The following PCDHAC1 variants were observed in gnomAD, a reference collection of about 807,000 sequenced individuals.
The protein encoded by PCDHAC1 is protocadherin alpha subfamily C, 1, also known as protocadherin alpha-C1.
PCDHAC1 carries 42 observed loss-of-function variants against 60.0 expected under a neutral mutation model. The observed-to-expected ratio is 0.70, with a 90% CI of 0.55 to 0.90. The LOEUF is 0.90. Ranked by LOEUF, PCDHAC1 falls within the 40% of genes least tolerant of loss-of-function variation. The pLI is 0.00. For missense variants in PCDHAC1, 1,160 were observed against 1,222.3 expected, an observed-to-expected ratio of 0.95 and a Z score of 0.76; for synonymous variants, 468 against 499.3, an observed-to-expected ratio of 0.94 and a Z score of 0.84.
intron 3 of PCDHAC1, among the ~76,000 whole-genome samples, chr5:141,006,560 C>G (rs1179730864): frequency 2.0e-5 from 3 of 152,084 alleles, no homozygotes; most frequent in Non-Finnish European, 4.4e-5. Flanking sequence ...AAAGATGACT[C>G]TGGCTACTGT....
At chr5:140,954,623 G>C (rs1277762311) in intron 1 of PCDHAC1, among the ~76,000 whole-genome samples, 2 of 151,776 alleles carry the variant, frequency 1.3e-5, no homozygotes, top group African/African-American at 4.8e-5. Flanking sequence ...GGCTTGTTTG[G>C]GTTTTTCTTG....
rs155362 is a variant in PCDHAC1, at chr5:140,926,538, G to A, written c.-355G>A. On this transcript the variant is annotated 5_prime_UTR_variant, in exon 1 of 4. Transcript: ENST00000253807. ...TCCGCCCTGCGCCCGCAGCCAGCGTGGTGGTCGAGACCCCAGCCCGCTGCT... is the reference window on the plus strand; with the variant it reads ...TCCGCCCTGCGCCCGCAGCCAGCGTAGTGGTCGAGACCCCAGCCCGCTGCT... 1 of 210,368 alleles carries A rather than the reference G, an allele frequency of 4.8e-6. No homozygotes were observed. Among genetic ancestry groups the A allele is most frequent in the Admixed American group, 5.9e-5 (1 of 16,946 alleles). 13.0% of individuals were successfully genotyped at this position (210,368 alleles called of 1,614,324 possible).
chr5:140,985,494 C>G (rs1217361161), intron 3 of PCDHAC1, among the ~76,000 whole-genome samples: 2 of 152,136 alleles, frequency 1.3e-5, no homozygotes, highest in Non-Finnish European at 2.9e-5. Flanking sequence ...TCAAATAGAG[C>G]CTGCCTTTCA....
intron 1 of PCDHAC1, chr5:140,968,899 A>G (rs782594245): frequency 6.2e-7 from 1 of 1,614,130 alleles, no homozygotes; most frequent in Non-Finnish European, 8.5e-7. Context: ...TAATAATAGC[A>G]TTAAGCACAG....
chr5:141,001,764 G>A (rs1186356180), intron 3 of PCDHAC1, among the ~76,000 whole-genome samples: 1 of 152,160 alleles, frequency 6.6e-6, no homozygotes, highest in East Asian at 1.9e-4. Context: ...GATGGCGGAT[G>A]GTTTTTGCCT....
chr5:140,972,754 C>T (rs782389999), intron 1 of PCDHAC1, among the ~76,000 whole-genome samples: 1 of 151,316 alleles, frequency 6.6e-6, no homozygotes, highest in African/African-American at 2.4e-5. Flanking sequence ...ACCTCCGCCT[C>T]CCAAGTTAAA....
At chr5:140,969,131 A>C in intron 1 of PCDHAC1, 1 of 1,614,138 alleles carries the variant, frequency 6.2e-7, no homozygotes, top group African/African-American at 1.3e-5. Flanking sequence ...CTCCCTCACC[A>C]AGACCTACTG....
At chr5:140,956,554 G>C (rs546505112) in intron 1 of PCDHAC1, among the ~76,000 whole-genome samples, 1 of 152,318 alleles carries the variant, frequency 6.6e-6, no homozygotes, top group East Asian at 1.9e-4. Flanking sequence ...TGGTTTGCCA[G>C]TATCTTATTG....
intron 1 of PCDHAC1, among the ~76,000 whole-genome samples, chr5:140,938,996 A>C (rs1212565184): frequency 2.6e-5 from 4 of 152,206 alleles, no homozygotes; most frequent in Non-Finnish European, 4.4e-5. Context: ...TTATATAGTA[A>C]GTTAAGAAGT....
At chr5:141,003,517 T>C (rs538562882) in intron 3 of PCDHAC1, among the ~76,000 whole-genome samples, 1 of 152,238 alleles carries the variant, frequency 6.6e-6, no homozygotes, top group East Asian at 1.9e-4. Context: ...TTCACCATGT[T>C]CCCTAGGCTG....
intron 3 of PCDHAC1, among the ~76,000 whole-genome samples, chr5:141,006,247 T>C (rs1554260651): frequency 2.0e-5 from 3 of 152,126 alleles, no homozygotes; most frequent in Non-Finnish European, 2.9e-5. Context: ...AGTCTTGCTC[T>C]GTTGCCCAGG....
In PCDHAC1 at chr5:140,926,742, C is replaced by A; in HGVS notation, c.-151C>A. The A allele has an allele frequency of 8.3e-7, 1 of 1,199,336 alleles. No individual in the cohort carries two copies. The highest frequency in any genetic ancestry group is 1.1e-6 in the Non-Finnish European group (1 of 922,300). The allele number at this position is 1,199,336 out of a possible 1,614,324, so 74.3% of individuals were successfully genotyped here. A position where few individuals can be genotyped will look rare whatever the true frequency, so the allele number is the denominator to read the frequency against. On this transcript the variant is annotated 5_prime_UTR_variant, in exon 1 of 4. Coordinates refer to ENST00000253807, the MANE Select transcript of PCDHAC1 (RefSeq NM_018898.5). ...CAATGCCGGCGTTCGGGAGGCGCAA[C>A]GTCGGCGGTCGCTGAGTATCCAGCC... is the stretch of plus-strand genomic sequence containing the variant.
intron 1 of PCDHAC1, among the ~76,000 whole-genome samples, chr5:140,945,480 C>A (rs2093795468): frequency 6.6e-6 from 1 of 151,728 alleles, no homozygotes; most frequent in South Asian, 2.1e-4. Context: ...CACAAAACAC[C>A]CCAAATACCC....
chr5:140,928,939 T>G lies in PCDHAC1; in HGVS notation c.2047T>G (p.Tyr683Asp), dbSNP rs367874769. 1 of 1,614,012 alleles carries G rather than the reference T, an allele frequency of 6.2e-7. No homozygotes were observed. The highest frequency in any genetic ancestry group is 1.3e-5 in the African/African-American group (1 of 74,952). ...PGGQLSAQNL[Y>D]LVIALACISF... is the part of the protein sequence containing the mutation. ...AGGGCAGCTTTCTGCCCAGAACTTG[T>G]ATTTAGTAATTGCCTTGGCTTGTAT... Residue 683 changes from tyrosine (Y) to aspartate (D), a missense_variant, in exon 1 of 4, where the codon TAT (tyrosine) becomes GAT (aspartate). This residue lies in a region of PCDHAC1 where 1,113 missense variants were observed against 1,163.7 expected (regional missense o/e 0.96). Transcript: ENST00000253807.
chr5:140,982,014 C>A (rs546904836), intron 2 of PCDHAC1, among the ~76,000 whole-genome samples: 1 of 152,152 alleles, frequency 6.6e-6, no homozygotes, highest in Admixed American at 6.5e-5. Context: ...AATTAGATAG[C>A]CAAATTGGAA....
At chr5:140,991,417 C>G (rs782178829) in intron 3 of PCDHAC1, among the ~76,000 whole-genome samples, 79 of 152,196 alleles carry the variant, frequency 5.2e-4, no homozygotes, top group Admixed American at 1.5e-3. Context: ...TATGCTATAA[C>G]AAATTAACCA....
chr5:140,937,039 CT>C (rs34994034), intron 1 of PCDHAC1, among the ~76,000 whole-genome samples: 142 of 140,130 alleles, frequency 1.0e-3, no homozygotes, highest in Middle Eastern at 3.8e-3. Flanking sequence ...TTCCATTTAT[CT>C]TTTTTTTTTT....
At chr5:141,003,936 C>T (rs934368361) in intron 3 of PCDHAC1, among the ~76,000 whole-genome samples, 41 of 152,122 alleles carry the variant, frequency 2.7e-4, no homozygotes, top group African/African-American at 9.9e-4. Context: ...TTGTCTTTGC[C>T]TGAGGGTGAG....
intron 3 of PCDHAC1, among the ~76,000 whole-genome samples, chr5:140,989,704 A>G (rs1011656518): frequency 9.2e-5 from 14 of 152,202 alleles, no homozygotes; most frequent in Admixed American, 9.2e-4. Context: ...TTTTATCTTC[A>G]GAGGCAGTCA....
Sources: allele counts gnomAD v4.1 joint callset (sites outside exome capture counted in the v4.1 genomes callset), GRCh38; gene constraint gnomAD v4.1.1; regional missense constraint gnomAD v4.1.1; transcripts MANE v1.5; gene names NCBI Gene and HGNC (gene_info 2026-07-23, HGNC 2026-07-21).